Variants in MEMO1 observed in about 807,000 individuals in gnomAD.
The protein encoded by MEMO1 is protein MEMO1.
A neutral mutation model predicts 45.2 loss-of-function variants in MEMO1; 6 were observed. That is an observed-to-expected ratio of 0.13 (90% CI 0.07 to 0.26). MEMO1 has a LOEUF of 0.26. Ranked by LOEUF, MEMO1 falls within the 10% of genes least tolerant of loss-of-function variation. The pLI is 1.00. For missense variants in MEMO1, 184 were observed against 370.5 expected (o/e 0.50, Z 4.13); for synonymous variants, 78 against 124.3 (o/e 0.63, Z 2.48).
intron 2 of MEMO1, among the ~76,000 whole-genome samples, chr2:31,989,268 T>A (rs1238317391): frequency 6.7e-6 from 1 of 150,374 alleles, no homozygotes; most frequent in Non-Finnish European, 1.5e-5. Context: ...AAATGACTAG[T>A]GGGCTTGTCA....
intron 3 of MEMO1, among the ~76,000 whole-genome samples, chr2:31,941,389 C>T (rs2148312106): frequency 2.6e-5 from 4 of 152,240 alleles, no homozygotes; most frequent in Middle Eastern, 6.8e-3. Flanking sequence ...TCTTACTAAT[C>T]CTATATAAAA....
At chr2:31,909,652 G>A (rs1461363029) in intron 6 of MEMO1, among the ~76,000 whole-genome samples, 1 of 152,080 alleles carries the variant, frequency 6.6e-6, no homozygotes, top group Non-Finnish European at 1.5e-5. Flanking sequence ...TTCATGGATT[G>A]GAAGAATTAA....
chr2:31,980,473 TAA>T (rs1292095363), intron 2 of MEMO1, among the ~76,000 whole-genome samples: 2 of 152,174 alleles, frequency 1.3e-5, no homozygotes, highest in Non-Finnish European at 2.9e-5. Flanking sequence ...TTTTTATTTT[TAA>T]GTCATTGTTC....
At chr2:31,886,490 A>C (rs1226166728) in intron 7 of MEMO1, among the ~76,000 whole-genome samples, 1 of 152,102 alleles carries the variant, frequency 6.6e-6, no homozygotes, top group African/African-American at 2.4e-5. Flanking sequence ...TTTGGTTTTT[A>C]TTATTTTAAA....
At chr2:32,004,518 ACAATAC>A (rs1206089294) in intron 2 of MEMO1, among the ~76,000 whole-genome samples, 1 of 152,214 alleles carries the variant, frequency 6.6e-6, no homozygotes, top group African/African-American at 2.4e-5. Context: ...AAAAAGACTG[ACAATAC>A]CAAGTGTTAG....
chr2:31,910,253 G>A (rs537363779), intron 6 of MEMO1, among the ~76,000 whole-genome samples: 5 of 152,200 alleles, frequency 3.3e-5, no homozygotes, highest in South Asian at 2.1e-4. Flanking sequence ...TGCCTTGCAA[G>A]AAATGTTAAA....
intron 2 of MEMO1, among the ~76,000 whole-genome samples, chr2:31,994,212 C>T (rs570549041): frequency 7.4e-4 from 112 of 151,076 alleles, no homozygotes; most frequent in East Asian, 7.9e-4. Context: ...CTGCCCACCT[C>T]GCCCTCCCAA....
chr2:31,964,468 G>A (rs1199943232), intron 2 of MEMO1, among the ~76,000 whole-genome samples: 4 of 152,080 alleles, frequency 2.6e-5, no homozygotes, highest in South Asian at 2.1e-4. Context: ...AGGCCGAGGC[G>A]GGTGGATCAC....
chr2:31,878,411 CT>C (rs1674876463), intron 8 of MEMO1, among the ~76,000 whole-genome samples: 1 of 152,064 alleles, frequency 6.6e-6, no homozygotes, highest in Non-Finnish European at 1.5e-5. Flanking sequence ...GCTTTGGTTC[CT>C]ACTTTAAGCC....
chr2:31,978,427 C>T (rs907171356), intron 2 of MEMO1, among the ~76,000 whole-genome samples: 33 of 152,262 alleles, frequency 2.2e-4, no homozygotes, highest in African/African-American at 7.7e-4. Flanking sequence ...GTGCAAATGC[C>T]TGGCATATAG....
chr2:32,009,263 A>AGT (rs1207018593), intron 2 of MEMO1, among the ~76,000 whole-genome samples: 1 of 152,122 alleles, frequency 6.6e-6, no homozygotes, highest in African/African-American at 2.4e-5. Flanking sequence ...TAGGGCGACC[A>AGT]GTGACTGGGG....
chr2:31,889,338 G>A (rs1031711359), intron 7 of MEMO1, among the ~76,000 whole-genome samples: 1 of 152,034 alleles, frequency 6.6e-6, no homozygotes, highest in African/African-American at 2.4e-5. Context: ...GCATGCATGA[G>A]GAACTGAATC....
At chr2:32,000,373 G>A (rs1673138674) in intron 2 of MEMO1, among the ~76,000 whole-genome samples, 1 of 152,060 alleles carries the variant, frequency 6.6e-6, no homozygotes, top group Non-Finnish European at 1.5e-5. Context: ...TGGGACTACA[G>A]GAACCTGCCA....
chr2:31,868,627 C>A (rs1572513424), intron 9 of MEMO1, 135 bp from the exon 10 acceptor site: 1 of 757,972 alleles, frequency 1.3e-6, no homozygotes. Flanking sequence ...TCTTGAATTT[C>A]TCTTGTTGCA....
chr2:31,917,205 T>C (rs1306330501), intron 6 of MEMO1, among the ~76,000 whole-genome samples: 1 of 152,124 alleles, frequency 6.6e-6, no homozygotes, highest in Non-Finnish European at 1.5e-5. Flanking sequence ...AAACTAAATA[T>C]GAAATATTAA....
intron 4 of MEMO1, among the ~76,000 whole-genome samples, chr2:31,931,818 A>AT (rs1664213866): frequency 6.6e-6 from 1 of 152,182 alleles, no homozygotes; most frequent in Non-Finnish European, 1.5e-5. Context: ...AAAAAACAAA[A>AT]TATTTAACCT....
chr2:31,962,623 A>G (rs1668136595), intron 2 of MEMO1, among the ~76,000 whole-genome samples: 1 of 152,212 alleles, frequency 6.6e-6, no homozygotes, highest in Non-Finnish European at 1.5e-5. Flanking sequence ...ACTTTTAAGA[A>G]ATTACACCTT....
At chr2:31,982,848 G>A (rs1009360896) in intron 2 of MEMO1, among the ~76,000 whole-genome samples, 1 of 152,092 alleles carries the variant, frequency 6.6e-6, no homozygotes, top group African/African-American at 2.4e-5. Context: ...TCTCAATGTT[G>A]AGGAGAGAAG....
chr2:31,912,863 T>C (rs1680803774), intron 6 of MEMO1, among the ~76,000 whole-genome samples: 1 of 152,210 alleles, frequency 6.6e-6, no homozygotes, highest in African/African-American at 2.4e-5. Flanking sequence ...TTTCTAACCA[T>C]GCACGTATAT....
Sources: gnomAD v4.1 joint callset for allele counts (sites outside exome capture counted in the v4.1 genomes callset) on GRCh38, gnomAD v4.1.1 for gene constraint, MANE v1.5 for transcripts, NCBI Gene and HGNC (gene_info 2026-07-23, HGNC 2026-07-21) for gene names.